Variants in SPTB observed in about 807,000 individuals in gnomAD.
The protein encoded by SPTB is spectrin beta chain, erythrocytic.
A neutral mutation model predicts 256.2 loss-of-function variants in SPTB; 45 were observed. The observed-to-expected ratio is 0.18, with a 90% CI of 0.14 to 0.23. The LOEUF is 0.23. Ranked by LOEUF, SPTB falls within the 10% of genes least tolerant of loss-of-function variation. SPTB has a pLI of 1.00. For missense variants in SPTB, 2,715 were observed against 3,040.4 expected (o/e 0.89, Z 2.52); for synonymous variants, 1,231 against 1,243.1 (o/e 0.99, Z 0.21).
rs185858226 is a variant in SPTB, at chr14:64,803,362, A to G, written c.474+245T>C. Among the ~76,000 whole-genome samples, 585 of 152,312 alleles carry G rather than the reference A, an allele frequency of 3.8e-3. 4 individuals carry two copies. The highest frequency in any genetic ancestry group is 0.018 in the South Asian group (89 of 4,826). ...CAGCCAGATATCAACCCAGCTACCA[A>G]TTAATTTCTATCTTCTCCCTGAAAA... On this transcript the variant is annotated intron_variant, in intron 4 of 35. Coordinates refer to ENST00000644917, the MANE Select transcript of SPTB (RefSeq NM_001355436.2).
intron 1 of SPTB, among the ~76,000 whole-genome samples, chr14:64,875,546 T>C (rs1244187507): frequency 6.6e-6 from 1 of 152,208 alleles, no homozygotes; most frequent in Non-Finnish European, 1.5e-5. Flanking sequence ...CTTCCCCTAA[T>C]GGGGTGAAGA....
In SPTB at chr14:64,793,925, G is replaced by A. The variant is rs1185345037; in HGVS notation, c.1796-58C>T. The A allele has an allele frequency of 3.1e-5, 48 of 1,540,710 alleles. No homozygotes were observed. Among genetic ancestry groups the A allele is most frequent in the Non-Finnish European group, 4.0e-5 (46 of 1,147,446 alleles). ...GGGGATGGGCTTCATTTATGGGCAC[G>A]CTTCAGATAAGCTGCTAGGTTGGAA... On this transcript the variant is annotated intron_variant, in intron 13 of 35. Transcript: ENST00000644917. This position sits in a 1 kb window ranked among gnomAD's most constrained non-coding sequence, Gnocchi z 7.0.
rs2082587430 is a variant in SPTB, at chr14:64,787,182, C to T, written c.2805-22G>A. 1.2e-6 allele frequency: 2 copies of T among 1,601,080 alleles called. No individual in the cohort carries two copies. The highest frequency in any genetic ancestry group is 1.7e-6 in the Non-Finnish European group (2 of 1,179,926). On this transcript the variant is annotated intron_variant, in intron 15 of 35. Transcript: ENST00000644917. ...CCACCTGCCGGATGGGGACACAGCC[C>T]GGAGGAGAGAGACACCTTCTCCCTT...
chr14:64,819,996 G>A (rs1170679436), intron 2 of SPTB, among the ~76,000 whole-genome samples: 1 of 152,160 alleles, frequency 6.6e-6, no homozygotes, highest in Non-Finnish European at 1.5e-5. Flanking sequence ...TGGCATTAGA[G>A]GCAGAATCAG....
At chr14:64,769,381 G>C (rs928413758) in intron 28 of SPTB, among the ~76,000 whole-genome samples, 5 of 152,178 alleles carry the variant, frequency 3.3e-5, no homozygotes, top group African/African-American at 1.2e-4. Context: ...GCTGCTCTCC[G>C]TTACTGAGTG....
At chr14:64,875,184 G>A (rs2139833724) in intron 1 of SPTB, among the ~76,000 whole-genome samples, 1 of 152,282 alleles carries the variant, frequency 6.6e-6, no homozygotes, top group South Asian at 2.1e-4. Flanking sequence ...ACCAGGAAAA[G>A]GAAAGAGAAA....
At position 64,806,617 on chromosome 14, in the gene SPTB, G is replaced by A. The variant is rs1478435218; in HGVS notation, c.149-1527C>T. Among the ~76,000 whole-genome samples the A allele has an allele frequency of 6.6e-6, 1 of 152,208 alleles. No homozygotes were observed. Among genetic ancestry groups the A allele is most frequent in the East Asian group, 1.9e-4 (1 of 5,204 alleles). On this transcript the variant is annotated intron_variant, in intron 2 of 35. Coordinates refer to ENST00000644917, the MANE Select transcript of SPTB (RefSeq NM_001355436.2). This position sits in a 1 kb window ranked among gnomAD's most constrained non-coding sequence, Gnocchi z 4.1. ...GCATCAGATGCCTTCCGGCTTCATG[G>A]CTATTTTGGTATTAGGAACTCAGAC...
Position 64,801,285 on chromosome 14 carries a change from C to T in SPTB, c.763G>A (p.Asp255Asn). 2 of 1,613,198 alleles carry T rather than the reference C, an allele frequency of 1.2e-6. No individual in the cohort carries two copies. The highest frequency in any genetic ancestry group is 1.7e-6 in the Non-Finnish European group (2 of 1,179,376). ...GCTGGCAGGGGTGGGTGTGGCTCACCTTCGGGGTCGAGGAGCGGGATGATG... is the reference window on the plus strand; with the variant it reads ...GCTGGCAGGGGTGGGTGTGGCTCACTTTCGGGGTCGAGGAGCGGGATGATG... ...LGIIPLLDPE[D>N]VFTENPDEKS... is the part of the protein sequence containing the mutation. Residue 255 changes from aspartate to asparagine, a missense_variant and splice_region_variant, in exon 7 of 36, where the codon GAT (aspartate) becomes AAT (asparagine). Physicochemically the swap from Asp to Asn is conservative, Grantham distance 23. Coordinates refer to ENST00000644917, the MANE Select transcript of SPTB (RefSeq NM_001355436.2).
intron 1 of SPTB, among the ~76,000 whole-genome samples, chr14:64,842,164 G>A (rs1387352815): frequency 1.3e-5 from 2 of 152,242 alleles, no homozygotes; most frequent in African/African-American, 4.8e-5. Flanking sequence ...CCATGGTGGT[G>A]GACACATAAG....
At position 64,786,425 on chromosome 14, in the gene SPTB, A is replaced by G; in HGVS notation, c.3540T>C (p.Ala1180=). Residue 1180 remains alanine, a synonymous_variant, in exon 16 of 36, where the codon GCT becomes GCC. Coordinates refer to ENST00000644917, the MANE Select transcript of SPTB (RefSeq NM_001355436.2). The surrounding 1 kb of genome is among the most constrained non-coding windows in gnomAD (Gnocchi z 5.6). ...CTACCTGGTTGCTGAGGATGGCTTC[A>G]GCCTGCTTGGCATCTTTCTGGAACT... is the stretch of plus-strand genomic sequence containing the variant. ...FQEFQKDAKQ[A]EAILSNQEYT... is the part of the protein sequence containing the mutation. 1 of 1,614,126 alleles carries G rather than the reference A, an allele frequency of 6.2e-7. No homozygotes were observed. Among genetic ancestry groups the G allele is most frequent in the Non-Finnish European group, 8.5e-7 (1 of 1,180,024 alleles).
At chr14:64,869,511 C>T (rs1049158546) in intron 1 of SPTB, among the ~76,000 whole-genome samples, 4 of 151,912 alleles carry the variant, frequency 2.6e-5, no homozygotes, top group Non-Finnish European at 5.9e-5. Context: ...GTGGCATGAT[C>T]GTAGCTCACT....
intron 1 of SPTB, among the ~76,000 whole-genome samples, chr14:64,863,497 C>A (rs986957215): frequency 7.9e-5 from 12 of 152,202 alleles, no homozygotes; most frequent in Non-Finnish European, 1.5e-4. Context: ...TGTCATGCTA[C>A]AAACCTCTCA....
Position 64,753,620 on chromosome 14 carries a change from C to G in SPTB, c.6519G>C (p.Arg2173=). The G allele has an allele frequency of 1.2e-6, 2 of 1,613,696 alleles. No individual in the cohort carries two copies. Among genetic ancestry groups the G allele is most frequent in the Non-Finnish European group, 1.7e-6 (2 of 1,180,034 alleles). Residue 2173 remains arginine, a synonymous_variant, in exon 33 of 36, where the codon CGG becomes CGC. Coordinates refer to ENST00000644917, the MANE Select transcript of SPTB (RefSeq NM_001355436.2). ...GDEPATLPAP[R]DHGQSVQMEG... is the part of the protein sequence containing the mutation. ...CCATCTGCACACTCTGCCCATGGTCCCGCGGGGCCGGCAGCGTTGCGGGCT... is the reference window on the plus strand; with the variant it reads ...CCATCTGCACACTCTGCCCATGGTCGCGCGGGGCCGGCAGCGTTGCGGGCT...
chr14:64,750,570 G>GT lies in SPTB; in HGVS notation c.6603-417dup, dbSNP rs1285806317. ...GCGGGCGGACCGCCTGAGGTCAGGA[G>GT]TTCAAGACCAGCCTGGCAAACGTGG... On this transcript the variant is annotated intron_variant, in intron 33 of 35. Transcript: ENST00000644917. Among the ~76,000 whole-genome samples, 4 of 152,064 alleles carry GT rather than the reference G, an allele frequency of 2.6e-5. No individual in the cohort carries two copies. The East Asian group carries it at 7.7e-4, about 29-fold the overall frequency.
intron 32 of SPTB, chr14:64,755,039 C>G (rs1423725406): frequency 6.6e-6 from 1 of 152,362 alleles, no homozygotes; most frequent in African/African-American, 2.4e-5. Flanking sequence ...AGCTGGATGC[C>G]TGAAGCACCA....
In SPTB at chr14:64,773,225, C is replaced by T. The variant is rs145753633; in HGVS notation, c.5173G>A (p.Val1725Met). 7.1e-5 allele frequency: 115 copies of T among 1,614,228 alleles called. No homozygotes were observed. The African/African-American group carries it at 1.3e-3, about 18-fold the overall frequency. ...CAGGAGTTGTGGCTACTCACAGTCA[C>T]GTGGTCAAAGTCTTGCCCCATTTCC... ...SPEMGQDFDH[V>M]TLLRDKFRDF... The change falls in exon 25 of 36, where the codon GTG becomes ATG. Residue 1725 changes from valine (V) to methionine (M), a missense_variant. By Grantham distance (21) the Val-to-Met change is conservative (BLOSUM62 1). Coordinates refer to ENST00000644917, the MANE Select transcript of SPTB (RefSeq NM_001355436.2).
chr14:64,766,656 C>T, intron 32 of SPTB, 70 bp downstream of exon 32: 1 of 1,612,930 alleles, frequency 6.2e-7, no homozygotes, highest in East Asian at 2.2e-5. Context: ...CTGGGCTGAG[C>T]CTAGTAGGGG....
At chr14:64,804,674 G>T (rs561492978) in intron 3 of SPTB, among the ~76,000 whole-genome samples, 1 of 152,298 alleles carries the variant, frequency 6.6e-6, no homozygotes, top group South Asian at 2.1e-4. Context: ...AGCTACAGAT[G>T]CCCAGAGCCC....
In SPTB at chr14:64,790,455, A is replaced by G. The variant is rs1385570629; in HGVS notation, c.2804+1264T>C. 6.6e-6 allele frequency among the ~76,000 whole-genome samples: 1 copy of G among 152,200 alleles called. No individual in the cohort carries two copies. The highest frequency in any genetic ancestry group is 1.5e-5 in the Non-Finnish European group (1 of 68,044). On this transcript the variant is annotated intron_variant, in intron 15 of 35. Coordinates refer to ENST00000644917, the MANE Select transcript of SPTB (RefSeq NM_001355436.2). This position sits in a 1 kb window ranked among gnomAD's most constrained non-coding sequence, Gnocchi z 4.8. Reference sequence around the variant, plus strand: ...CAACACACACAAACTCATTACCTACAAGGCGAAAGAAGAGGGAAGAGGTAT... The same window carrying G: ...CAACACACACAAACTCATTACCTACGAGGCGAAAGAAGAGGGAAGAGGTAT...
Sources: gnomAD v4.1 joint callset for allele counts (sites outside exome capture counted in the v4.1 genomes callset) on GRCh38, gnomAD v4.1.1 for gene constraint, Gnocchi (gnomAD v3.1) non-coding constraint, MANE v1.5 for transcripts, NCBI Gene and HGNC (gene_info 2026-07-23, HGNC 2026-07-21) for gene names.